The following FARP2 variants were observed in gnomAD, a reference collection of about 807,000 sequenced individuals.
FARP2 encodes FERM, ARH/RhoGEF and pleckstrin domain protein 2, also known as FERM, ARHGEF and pleckstrin domain-containing protein 2.
A neutral mutation model predicts 130.5 loss-of-function variants in FARP2; 111 were observed. The observed-to-expected ratio is 0.85, with a 90% CI of 0.73 to 1.00. The LOEUF (loss-of-function observed/expected upper bound fraction) is 1.00, where lower values mean the gene tolerates loss of function less well. FARP2 is among the 50% of genes least tolerant of loss of function. The pLI is 0.00. For missense variants in FARP2, 1,385 were observed against 1,346.3 expected (o/e 1.03, Z -0.45); for synonymous variants, 504 against 516.9 (o/e 0.98, Z 0.34).
Position 241,494,346 on chromosome 2 carries a change from A to C in FARP2, c.*221A>C. The C allele has an allele frequency of 2.8e-6, 1 of 355,712 alleles. No individual in the cohort carries two copies. The highest frequency in any genetic ancestry group is 4.8e-5 in the Admixed American group (1 of 20,978). 22.0% of individuals were successfully genotyped at this position (355,712 alleles called of 1,614,324 possible). On this transcript the variant is annotated 3_prime_UTR_variant, in exon 27 of 27. Transcript: ENST00000264042. The surrounding 1 kb of genome is among the most constrained non-coding windows in gnomAD (Gnocchi z 4.9). ...GCAGCTATCTGGGGCCCTGGGAAAAATGTGCGAGTCTTGAGCGCGGAGCCG... is the reference window on the plus strand; with the variant it reads ...GCAGCTATCTGGGGCCCTGGGAAAACTGTGCGAGTCTTGAGCGCGGAGCCG...
chr2:241,370,740 C>A (rs998283671), intron 1 of FARP2, among the ~76,000 whole-genome samples: 9 of 152,118 alleles, frequency 5.9e-5, no homozygotes, highest in African/African-American at 1.7e-4. Context: ...TGGTTGTAGT[C>A]TTTTGTCTTT....
intron 7 of FARP2, among the ~76,000 whole-genome samples, chr2:241,416,016 TGTGTGTGTGTGTGTGTGTCTGG>T (rs2062656419): frequency 1.3e-5 from 2 of 150,946 alleles, no homozygotes. Context: ...TGTGTGTGTG[TGTGTGTGTGTGTGTGTGTCTGG>T]GTGTGTTCTG....
chr2:241,493,584 A>C, intron 26 of FARP2, 140 bp downstream of exon 26: 1 of 723,610 alleles, frequency 1.4e-6, no homozygotes, highest in Non-Finnish European at 2.3e-6. Context: ...TTTCCAAAAA[A>C]CAGCAATGCT....
chr2:241,428,252 T>TTTTTTTG (rs2063004820), intron 8 of FARP2, among the ~76,000 whole-genome samples: 1 of 150,646 alleles, frequency 6.6e-6, no homozygotes, highest in African/African-American at 2.4e-5. Flanking sequence ...TTTTTTTTTT[T>TTTTTTTG]GAGACGGAGT....
Position 241,474,088 on chromosome 2 carries a change from C to T in FARP2, c.2132-1769C>T, listed in dbSNP as rs191990934. ...TTGGGAGGCCGAGGCTGGCAGATCA[C>T]GAGGTCAGGAGATCGAGACCATCCT... On this transcript the variant is annotated intron_variant, in intron 18 of 26. Coordinates refer to ENST00000264042, the MANE Select transcript of FARP2 (RefSeq NM_014808.4). Among the ~76,000 whole-genome samples, 48 of 150,384 alleles carry T rather than the reference C, an allele frequency of 3.2e-4. No homozygotes were observed. In the East Asian group the frequency reaches 7.9e-3, roughly 25 times the overall value.
intron 21 of FARP2, among the ~76,000 whole-genome samples, chr2:241,485,362 C>A (rs185960648): frequency 1.2e-3 from 168 of 143,772 alleles, no homozygotes; most frequent in African/African-American, 4.3e-3. Context: ...TTCCTAGGAT[C>A]TTCCCTCCCT....
rs762882207 is a variant in FARP2 at position 241,492,954 on chromosome 2, G to A, written c.2813G>A (p.Arg938Lys). The change falls in exon 25 of 27, where the codon AGA becomes AAA. Residue 938 changes from arginine to lysine, a missense_variant. Transcript: ENST00000264042. ...AACCAGCTTTCAGGATATCTGCTAAGAAAGTTCAAAAACAGTCATGGCTGG... is the reference window on the plus strand; with the variant it reads ...AACCAGCTTTCAGGATATCTGCTAAAAAAGTTCAAAAACAGTCATGGCTGG... ...VENQLSGYLLRKFKNSHGWQK... is the reference protein window; with the variant it reads ...VENQLSGYLLKKFKNSHGWQK... 2 of 1,612,012 alleles carry A rather than the reference G, an allele frequency of 1.2e-6. No homozygotes were observed. Among genetic ancestry groups the A allele is most frequent in the South Asian group, 1.1e-5 (1 of 91,046 alleles).
intron 1 of FARP2, among the ~76,000 whole-genome samples, chr2:241,359,309 G>C (rs921655622): frequency 6.6e-6 from 1 of 152,204 alleles, no homozygotes; most frequent in Non-Finnish European, 1.5e-5. Flanking sequence ...GTAGGATGCA[G>C]TGATGAATCT....
At chr2:241,380,024 C>G (rs927918228) in intron 2 of FARP2, among the ~76,000 whole-genome samples, 1 of 152,164 alleles carries the variant, frequency 6.6e-6, no homozygotes, top group Admixed American at 6.5e-5. Context: ...CCCTAACACA[C>G]ATACACAAGC....
chr2:241,463,766 G>T, intron 16 of FARP2, 133 bp from the exon 17 acceptor site: 1 of 804,806 alleles, frequency 1.2e-6, no homozygotes. Flanking sequence ...GCCCTGCCCT[G>T]CGGCCTCTTC....
chr2:241,481,753 T>A (rs1194466721), intron 19 of FARP2, among the ~76,000 whole-genome samples: 2 of 152,200 alleles, frequency 1.3e-5, no homozygotes, highest in Non-Finnish European at 2.9e-5. Flanking sequence ...CCCAGGGAAC[T>A]GTCAATGAAA....
At chr2:241,416,226 G>A (rs2062667283) in intron 7 of FARP2, among the ~76,000 whole-genome samples, 1 of 152,186 alleles carries the variant, frequency 6.6e-6, no homozygotes, top group Non-Finnish European at 1.5e-5. Flanking sequence ...CTCTGCATGT[G>A]TGTGTCCTTA....
chr2:241,467,455 G>A (rs373192312), intron 17 of FARP2, among the ~76,000 whole-genome samples: 88 of 152,134 alleles, frequency 5.8e-4, no homozygotes, highest in African/African-American at 2.0e-3. Context: ...AGACCAGCCT[G>A]GGCAACATGG....
intron 12 of FARP2, 99 bp from the exon 13 acceptor site, chr2:241,441,205 A>G: frequency 9.6e-7 from 1 of 1,041,020 alleles, no homozygotes; most frequent in Non-Finnish European, 1.4e-6. Flanking sequence ...TGTGATAGAA[A>G]TGTGTGGATG....
chr2:241,373,587 A>G lies in FARP2; in HGVS notation c.183+297A>G, dbSNP rs548840283. 2.0e-3 allele frequency among the ~76,000 whole-genome samples: 298 copies of G among 152,354 alleles called. 3 individuals are homozygous for G. Among genetic ancestry groups the G allele is most frequent in the Non-Finnish European group, 3.5e-3 (239 of 68,036 alleles). The stretch of plus-strand genomic sequence containing the variant: ...CAGACTGGAGCCAGATGGTACACCC[A>G]GACCTTCCCAGCTTAAGCCACCTGG... On this transcript the variant is annotated intron_variant, in intron 2 of 26. Coordinates refer to ENST00000264042, the MANE Select transcript of FARP2 (RefSeq NM_014808.4).
At chr2:241,460,965 T>C (rs1005160364) in intron 14 of FARP2, among the ~76,000 whole-genome samples, 1 of 152,168 alleles carries the variant, frequency 6.6e-6, no homozygotes, top group African/African-American at 2.4e-5. Context: ...GCTGGCTATA[T>C]CCATGGGCTC....
intron 8 of FARP2, among the ~76,000 whole-genome samples, chr2:241,419,154 C>T (rs778091189): frequency 6.6e-6 from 1 of 152,072 alleles, no homozygotes; most frequent in Non-Finnish European, 1.5e-5. Flanking sequence ...CTTAACCTAG[C>T]CATCAAGTTT....
At chr2:241,476,968 G>C (rs947963359) in intron 19 of FARP2, among the ~76,000 whole-genome samples, 2 of 151,970 alleles carry the variant, frequency 1.3e-5, no homozygotes, top group East Asian at 3.9e-4. Context: ...TGGGGACCTC[G>C]TTCTGCTCCC....
At chr2:241,468,662 C>CTA (rs1214087217) in intron 18 of FARP2, among the ~76,000 whole-genome samples, 1 of 152,220 alleles carries the variant, frequency 6.6e-6, no homozygotes, top group African/African-American at 2.4e-5. Flanking sequence ...GGGGATGACT[C>CTA]TGATTGCCCT....
Sources: allele counts gnomAD v4.1 joint callset (sites outside exome capture counted in the v4.1 genomes callset), GRCh38; gene constraint gnomAD v4.1.1; non-coding constraint Gnocchi (gnomAD v3.1); transcripts MANE v1.5; gene names NCBI Gene and HGNC (gene_info 2026-07-23, HGNC 2026-07-21).